RSRP1: variants seen among roughly 807,000 people sequenced by gnomAD.
RSRP1 encodes arginine/serine-rich protein 1.
RSRP1 carries 37 observed loss-of-function variants against 33.0 expected under a neutral mutation model. The ratio of observed to expected loss-of-function variants is 1.12; its 90% CI spans 0.86 to 1.48. The LOEUF is 1.48. Among genes scored for constraint, RSRP1 ranks in the 40% most tolerant of loss-of-function variants. The probability of loss-of-function intolerance (pLI) is 0.00; values close to 1 mark genes in which losing one functional copy is unlikely to be tolerated. For missense variants in RSRP1, 402 were observed against 385.3 expected (o/e 1.04, Z -0.36); for synonymous variants, 167 against 158.7 (o/e 1.05, Z -0.40).
At chr1:25,253,149 C>G (rs1284218516) in intron 1 of RSRP1, 1 of 152,122 alleles carries the variant, frequency 6.6e-6, no homozygotes, top group African/African-American at 2.4e-5. Flanking sequence ...TTCAGGGGAT[C>G]TGTCCACTTT....
chr1:25,252,602 C>T (rs1639824368), intron 1 of RSRP1, among the ~76,000 whole-genome samples: 2 of 150,672 alleles, frequency 1.3e-5, no homozygotes, highest in Admixed American at 6.7e-5. Context: ...GGCACGATCT[C>T]GGCTCACTGC....
rs749365734 is a variant in RSRP1, at chr1:25,270,003, G to A, written c.-66-22974C>T. 2.3e-5 allele frequency among the ~76,000 whole-genome samples: 3 copies of A among 132,346 alleles called. 1 individual carries two copies. The highest frequency in any genetic ancestry group is 2.2e-4 in the Admixed American group (3 of 13,640). 86.8% of individuals were successfully genotyped at this position (132,346 alleles called of 152,430 possible). On this transcript the variant is annotated intron_variant, in intron 1 of 1. Coordinates refer to the RSRP1 transcript ENST00000561867. ...TCTTGCTGACATCTGGTGCCCTCGG[G>A]CAGGTAGGTGCAGTTGGCTGCCTGG...
At position 25,281,740 on chromosome 1, in the gene RSRP1, A is replaced by C; in HGVS notation, c.-66-34711T>G. Among the ~76,000 whole-genome samples, 2 of 130,968 alleles carry C rather than the reference A, an allele frequency of 1.5e-5. 1 individual carries two copies. Among genetic ancestry groups the C allele is most frequent in the Non-Finnish European group, 3.6e-5 (2 of 55,328 alleles). 85.9% of individuals were successfully genotyped at this position (130,968 alleles called of 152,430 possible). Reference sequence around the variant, plus strand: ...TGTCAGAAGAAGTGCAAAGAGTTGAATCCTTCCTAATGCCCACTTCTCACC... The same window carrying C: ...TGTCAGAAGAAGTGCAAAGAGTTGACTCCTTCCTAATGCCCACTTCTCACC... On this transcript the variant is annotated intron_variant, in intron 1 of 1. Transcript: ENST00000561867.
chr1:25,336,883 A>C (rs1192377250), intron 1 of RSRP1, among the ~76,000 whole-genome samples: 1 of 151,922 alleles, frequency 6.6e-6, no homozygotes, highest in Non-Finnish European at 1.5e-5. Flanking sequence ...TAATCGGCTA[A>C]TGCACCGCCA....
At position 25,275,642 on chromosome 1, in the gene RSRP1, C is replaced by T. The variant is rs1640901906; in HGVS notation, c.-66-28613G>A. The stretch of plus-strand genomic sequence containing the variant: ...TATATTTTGTATGTTACAATAAATA[C>T]ATACAAATTAGGAAAATTGAAAGAG... On this transcript the variant is annotated intron_variant, in intron 1 of 1. Transcript: ENST00000561867. Among the ~76,000 whole-genome samples the T allele has an allele frequency of 1.5e-5, 2 of 132,850 alleles. 1 individual carries two copies. The highest frequency in any genetic ancestry group is 5.1e-5 in the African/African-American group (2 of 38,924). 87.2% of individuals were successfully genotyped at this position (132,850 alleles called of 152,430 possible).
At position 25,293,746 on chromosome 1, in the gene RSRP1, T is replaced by C. The variant is rs1359490882; in HGVS notation, c.-67+44232A>G. On this transcript the variant is annotated intron_variant, in intron 1 of 1. Transcript: ENST00000561867. ...TTGAAAATTAAACACTGTCTAATTT[T>C]CTGCAAAGTTTTTATTCATGAATTA... 3.0e-5 allele frequency among the ~76,000 whole-genome samples: 4 copies of C among 132,416 alleles called. 2 individuals are homozygous for C. The highest frequency in any genetic ancestry group is 7.1e-5 in the Non-Finnish European group (4 of 56,098). 86.9% of individuals were successfully genotyped at this position (132,416 alleles called of 152,430 possible). A position where few individuals can be genotyped will look rare whatever the true frequency, so the allele number is the denominator to read the frequency against.
rs1199992003 is a variant in RSRP1, at chr1:25,301,881, C to T, written c.-67+36097G>A. On this transcript the variant is annotated intron_variant, in intron 1 of 1. Transcript: ENST00000561867. ...TGGGCCTGGGACTCAGGAGACTGTC[C>T]AGTGATCAAAGGCTTTCTGGGGGTA... Among the ~76,000 whole-genome samples, 2 of 131,532 alleles carry T rather than the reference C, an allele frequency of 1.5e-5. 1 individual carries two copies. The highest frequency in any genetic ancestry group is 3.6e-5 in the Non-Finnish European group (2 of 55,562). The allele number at this position is 131,532 out of a possible 152,430, so 86.3% of individuals were successfully genotyped here.
At chr1:25,318,585 C>A (rs1481253550) in intron 1 of RSRP1, among the ~76,000 whole-genome samples, 5 of 121,218 alleles carry the variant, frequency 4.1e-5, no homozygotes, top group African/African-American at 8.4e-5. Context: ...GAGACTGTCT[C>A]AAAAAAAAAA....
rs138433414 is a variant in RSRP1, at chr1:25,288,032, T to G, written c.-66-41003A>C. On this transcript the variant is annotated intron_variant, in intron 1 of 1. Transcript: ENST00000561867. ...GCCACTGTGTCCAGCCTAAAACTGT[T>G]TTTGAGACAGGGTCTCACTCTGTTG... Among the ~76,000 whole-genome samples the G allele has an allele frequency of 3.9e-3, 513 of 132,708 alleles. 74 individuals carry two copies. Among genetic ancestry groups the G allele is most frequent in the African/African-American group, 0.012 (481 of 39,008 alleles). 87.1% of individuals were successfully genotyped at this position (132,708 alleles called of 152,430 possible).
At chr1:25,306,304 A>G (rs1223008117) in intron 1 of RSRP1, among the ~76,000 whole-genome samples, 1 of 131,954 alleles carries the variant, frequency 7.6e-6, no homozygotes, top group Admixed American at 7.3e-5. Context: ...CAGTGTCTAC[A>G]CTAGACCCTT....
At chr1:25,283,674 G>A (rs1403516812) in intron 1 of RSRP1, among the ~76,000 whole-genome samples, 2 of 134,028 alleles carry the variant, frequency 1.5e-5, no homozygotes, top group African/African-American at 2.6e-5. Flanking sequence ...GATAGTCTAT[G>A]TAAAGTGATT....
intron 1 of RSRP1, among the ~76,000 whole-genome samples, chr1:25,285,089 G>A (rs675072): frequency 0.18 from 23,964 of 131,448 alleles, 6,491 homozygotes; most frequent in Admixed American, 0.26. Flanking sequence ...AAGGAAACAC[G>A]TTAGACAGAG....
chr1:25,310,985 AAAAG>A (rs1644114235), intron 1 of RSRP1, among the ~76,000 whole-genome samples: 1 of 130,374 alleles, frequency 7.7e-6, no homozygotes, highest in South Asian at 2.3e-4. Flanking sequence ...AAAAAAAAAA[AAAAG>A]AAAGAAAAAG....
chr1:25,255,202 A>G (rs1287707097), intron 1 of RSRP1, among the ~76,000 whole-genome samples: 1 of 152,172 alleles, frequency 6.6e-6, no homozygotes, highest in Non-Finnish European at 1.5e-5. Flanking sequence ...GAAAAACGAG[A>G]AATACTATAG....
At position 25,242,879 on chromosome 1, in the gene RSRP1, G is replaced by A. The variant is rs189806108; in HGVS notation, c.757-174C>T. Among the ~76,000 whole-genome samples the A allele has an allele frequency of 4.7e-3, 714 of 152,274 alleles. 2 individuals carry two copies. Among genetic ancestry groups the A allele is most frequent in the African/African-American group, 0.016 (669 of 41,562 alleles). On this transcript the variant is annotated intron_variant, in intron 4 of 4. Coordinates refer to ENST00000243189, the MANE Select transcript of RSRP1 (RefSeq NM_020317.5). ...TGGAAGGCTGACACGGGCGGATCACGAGGTCAGATGTAGACCATCCTGGCC... is the reference window on the plus strand; with the variant it reads ...TGGAAGGCTGACACGGGCGGATCACAAGGTCAGATGTAGACCATCCTGGCC...
At position 25,282,429 on chromosome 1, in the gene RSRP1, T is replaced by C. The variant is rs1192315843; in HGVS notation, c.-66-35400A>G. Among the ~76,000 whole-genome samples the C allele has an allele frequency of 1.5e-5, 2 of 130,680 alleles. 1 individual carries two copies. The highest frequency in any genetic ancestry group is 3.6e-5 in the Non-Finnish European group (2 of 55,328). The allele number at this position is 130,680 out of a possible 152,430, so 85.7% of individuals were successfully genotyped here. A position where few individuals can be genotyped will look rare whatever the true frequency, so the allele number is the denominator to read the frequency against. On this transcript the variant is annotated intron_variant, in intron 1 of 1. Coordinates refer to the RSRP1 transcript ENST00000561867. Reference sequence around the variant, plus strand: ...TTTGTAATTTTAGTAGAGACGGGGTTTCACCATGTTGGCCAGGCTAGTCTC... The same window carrying C: ...TTTGTAATTTTAGTAGAGACGGGGTCTCACCATGTTGGCCAGGCTAGTCTC...
chr1:25,303,850 G>C (rs1265736466), intron 1 of RSRP1, among the ~76,000 whole-genome samples: 2 of 127,088 alleles, frequency 1.6e-5, no homozygotes, highest in East Asian at 3.9e-4. Flanking sequence ...CCACATTGTG[G>C]GGTGTAGTCT....
At chr1:25,302,555 C>A (rs555534279) in intron 1 of RSRP1, among the ~76,000 whole-genome samples, 1 of 129,666 alleles carries the variant, frequency 7.7e-6, no homozygotes, top group African/African-American at 2.7e-5. Context: ...AGAGGCTAAT[C>A]CTAGGTGAGA....
chr1:25,285,338 T>C (rs1378236689), intron 1 of RSRP1, among the ~76,000 whole-genome samples: 1 of 134,052 alleles, frequency 7.5e-6, no homozygotes, highest in East Asian at 1.9e-4. Context: ...TTCTCCGTGT[T>C]GGTCAGGCTA....
Sources: allele counts gnomAD v4.1 joint callset (sites outside exome capture counted in the v4.1 genomes callset), GRCh38; gene constraint gnomAD v4.1.1; transcripts MANE v1.5; gene names NCBI Gene and HGNC (gene_info 2026-07-23, HGNC 2026-07-21).